Variants in EPB41L4A observed in about 807,000 individuals in gnomAD.
EPB41L4A encodes the protein erythrocyte membrane protein band 4.1 like 4A, also known as band 4.1-like protein 4A.
In EPB41L4A, 100 loss-of-function variants were observed where a neutral mutation model predicts 108.6. That is an observed-to-expected ratio of 0.92 (90% confidence interval 0.78 to 1.09). The LOEUF (loss-of-function observed/expected upper bound fraction) is 1.09, where lower values mean the gene tolerates loss of function less well. Among genes scored for constraint, EPB41L4A ranks in the 50% least tolerant of loss-of-function variants. The pLI is 0.00. For synonymous variants in EPB41L4A, 319 were observed against 289.0 expected, an observed-to-expected ratio of 1.10 and a Z score of -1.05; for missense variants, 1,030 against 842.7, an observed-to-expected ratio of 1.22 and a Z score of -2.75.
At chr5:112,365,658 T>A (rs1429413427) in intron 1 of EPB41L4A, among the ~76,000 whole-genome samples, 1 of 152,172 alleles carries the variant, frequency 6.6e-6, no homozygotes, top group Non-Finnish European at 1.5e-5. Context: ...AGCTCCACAT[T>A]TTATTCAGAT....
At chr5:112,324,283 A>G (rs536903052) in intron 1 of EPB41L4A, among the ~76,000 whole-genome samples, 41 of 152,334 alleles carry the variant, frequency 2.7e-4, no homozygotes, top group Middle Eastern at 3.4e-3. Flanking sequence ...ATCAATATAG[A>G]ATTTTAAATT....
intron 1 of EPB41L4A, among the ~76,000 whole-genome samples, chr5:112,384,795 A>T (rs1760397488): frequency 6.6e-6 from 1 of 151,954 alleles, no homozygotes; most frequent in South Asian, 2.1e-4. Context: ...GAAGAAAAAA[A>T]GGAAGGAAGT....
At position 112,162,675 on chromosome 5, in the gene EPB41L4A, T is replaced by C. The variant is rs1406661229; in HGVS notation, c.*2315A>G. 6.6e-6 allele frequency: 1 copy of C among 152,174 alleles called. No individual in the cohort carries two copies. The highest frequency in any genetic ancestry group is 1.9e-4 in the East Asian group (1 of 5,196). The allele number at this position is 152,174 out of a possible 1,614,324, so 9.4% of individuals were successfully genotyped here. On this transcript the variant is annotated 3_prime_UTR_variant, in exon 23 of 23. Transcript: ENST00000261486. ...ACTGTACTAGGAGCTGAGAACACGATGATGAGCACAACACAGTTCTTCCCT... is the reference window on the plus strand; with the variant it reads ...ACTGTACTAGGAGCTGAGAACACGACGATGAGCACAACACAGTTCTTCCCT...
At chr5:112,415,112 T>C (rs1762634182) in intron 1 of EPB41L4A, among the ~76,000 whole-genome samples, 1 of 152,224 alleles carries the variant, frequency 6.6e-6, no homozygotes, top group Admixed American at 6.5e-5. Context: ...CCAAATTGAA[T>C]GAAAATTGTA....
chr5:112,362,303 T>G (rs1758822727), intron 1 of EPB41L4A, among the ~76,000 whole-genome samples: 1 of 138,392 alleles, frequency 7.2e-6, no homozygotes, highest in African/African-American at 2.7e-5. Context: ...TTTTTTGAGA[T>G]GGAGTCTCAC....
intron 7 of EPB41L4A, among the ~76,000 whole-genome samples, chr5:112,261,952 G>A (rs964861422): frequency 2.8e-5 from 4 of 141,360 alleles, no homozygotes; most frequent in Non-Finnish European, 4.5e-5. Flanking sequence ...GCAGTGGCAC[G>A]ATCTCGGCTC....
chr5:112,256,133 T>C (rs2150425096), intron 9 of EPB41L4A, among the ~76,000 whole-genome samples: 1 of 152,350 alleles, frequency 6.6e-6, no homozygotes. Context: ...GCTTAAGTTG[T>C]TGAATGAGTA....
intron 4 of EPB41L4A, among the ~76,000 whole-genome samples, chr5:112,272,160 A>C (rs1580580143): frequency 8.2e-6 from 1 of 122,518 alleles, no homozygotes; most frequent in Admixed American, 9.4e-5. Flanking sequence ...TTTGAGATGG[A>C]GTCTAGCTCT....
At chr5:112,213,484 G>A (rs556545044) in intron 12 of EPB41L4A, among the ~76,000 whole-genome samples, 1 of 152,140 alleles carries the variant, frequency 6.6e-6, no homozygotes, top group Non-Finnish European at 1.5e-5. Context: ...GAGTAGCTGG[G>A]ATTACAGGCA....
intron 18 of EPB41L4A, among the ~76,000 whole-genome samples, chr5:112,181,047 C>G (rs1761120342): frequency 6.6e-6 from 1 of 152,202 alleles, no homozygotes; most frequent in African/African-American, 2.4e-5. Flanking sequence ...AACGCAGCAA[C>G]AAACTCAAAT....
chr5:112,260,842 T>C (rs775784095), intron 7 of EPB41L4A, among the ~76,000 whole-genome samples: 1 of 152,216 alleles, frequency 6.6e-6, no homozygotes, highest in Admixed American at 6.5e-5. Flanking sequence ...CATAAAGCAA[T>C]ACATTTGGAG....
chr5:112,220,701 G>T (rs551806247), intron 12 of EPB41L4A, among the ~76,000 whole-genome samples: 1 of 152,168 alleles, frequency 6.6e-6, no homozygotes, highest in East Asian at 1.9e-4. Context: ...AACAGCAGAA[G>T]CAAGAAAGCC....
In EPB41L4A at chr5:112,169,872, C is replaced by T. The variant is rs554038354; in HGVS notation, c.1739+429G>A. 28 of 179,566 alleles carry T rather than the reference C, an allele frequency of 1.6e-4. No individual in the cohort carries two copies. The South Asian group carries it at 3.2e-3, about 21-fold the overall frequency. The allele number at this position is 179,566 out of a possible 1,614,324, so 11.1% of individuals were successfully genotyped here. A position where few individuals can be genotyped will look rare whatever the true frequency, so the allele number is the denominator to read the frequency against. On this transcript the variant is annotated intron_variant, in intron 20 of 22. Coordinates refer to ENST00000261486, the MANE Select transcript of EPB41L4A (RefSeq NM_022140.5). The stretch of plus-strand genomic sequence containing the variant: ...GTCAACAGGTACGGTTCCTCTTACA[C>T]TGGTGACTAAGGACTCCTGCTGTGC...
chr5:112,274,796 A>G (rs1394678829), intron 4 of EPB41L4A, among the ~76,000 whole-genome samples: 1 of 152,168 alleles, frequency 6.6e-6, no homozygotes, highest in Admixed American at 6.5e-5. Flanking sequence ...TGTCTTACTA[A>G]TATCAAATAT....
At chr5:112,228,626 T>C (rs1748642383) in intron 12 of EPB41L4A, 2 of 854,396 alleles carry the variant, frequency 2.3e-6, no homozygotes, top group Non-Finnish European at 1.4e-6. Context: ...TTCTTATAGC[T>C]AATTATGAAT....
At chr5:112,251,167 T>C (rs1750637382) in intron 9 of EPB41L4A, among the ~76,000 whole-genome samples, 1 of 152,152 alleles carries the variant, frequency 6.6e-6, no homozygotes, top group Non-Finnish European at 1.5e-5. Flanking sequence ...AGGACTTCTA[T>C]ACATTGTAGT....
At chr5:112,293,371 A>C (rs1343786022) in intron 2 of EPB41L4A, among the ~76,000 whole-genome samples, 18 of 98,758 alleles carry the variant, frequency 1.8e-4, no homozygotes, top group African/African-American at 1.2e-3. Context: ...CCTCCTTTTA[A>C]TTTAGTTTAA....
chr5:112,292,439 A>C lies in EPB41L4A; in HGVS notation c.205-12116T>G, dbSNP rs111381551. 6.0e-3 allele frequency among the ~76,000 whole-genome samples: 907 copies of C among 152,286 alleles called. 8 individuals carry two copies. The highest frequency in any genetic ancestry group is 0.021 in the African/African-American group (860 of 41,560). ...CAGCTTTTAAAGGCCCACTTCTGTT[A>C]ATTCATAAAGCAGCTCTCAAAACTC... On this transcript the variant is annotated intron_variant, in intron 2 of 22. Transcript: ENST00000261486.
chr5:112,240,720 T>TA lies in EPB41L4A; in HGVS notation c.885dup (p.Arg296Ter). 1.3e-6 allele frequency: 2 copies of TA among 1,525,718 alleles called. No individual in the cohort carries two copies. The highest frequency in any genetic ancestry group is 1.3e-5 in the South Asian group (1 of 77,390). 94.5% of individuals were successfully genotyped at this position (1,525,718 alleles called of 1,614,324 possible). A position where few individuals can be genotyped will look rare whatever the true frequency, so the allele number is the denominator to read the frequency against. On this transcript the variant is annotated frameshift_variant and splice_region_variant, in exon 10 of 23. Coordinates refer to ENST00000261486, the MANE Select transcript of EPB41L4A (RefSeq NM_022140.5). LOFTEE classifies it high-confidence loss of function. ...AACAAAATTTTTACATCAATTTACCTAAAAAATGTATGATGTTCCACACTG... is the reference window on the plus strand; with the variant it reads ...AACAAAATTTTTACATCAATTTACCTAAAAAAATGTATGATGTTCCACACTG...
Sources: gnomAD v4.1 joint callset for allele counts (sites outside exome capture counted in the v4.1 genomes callset) on GRCh38, gnomAD v4.1.1 for gene constraint, MANE v1.5 for transcripts, NCBI Gene and HGNC (gene_info 2026-07-23, HGNC 2026-07-21) for gene names.